Variants in ZNF518A observed in about 807,000 individuals in gnomAD.
ZNF518A encodes the protein zinc finger protein 518A, also known as zinc finger protein 518.
In ZNF518A, 47 loss-of-function variants were observed where a neutral mutation model predicts 102.7. The ratio of observed to expected loss-of-function variants is 0.46; its 90% CI spans 0.36 to 0.58. ZNF518A has a LOEUF of 0.58. ZNF518A is among the 20% of genes least tolerant of loss of function. The pLI is 0.00. For missense variants in ZNF518A, 1,793 were observed against 1,699.8 expected (o/e 1.05, Z -0.96); for synonymous variants, 652 against 594.6 (o/e 1.10, Z -1.40).
At chr10:96,179,780 T>C (rs1434100693) in intron 1 of ZNF518A, among the ~76,000 whole-genome samples, 2 of 134,322 alleles carry the variant, frequency 1.5e-5, no homozygotes, top group African/African-American at 2.6e-5. Flanking sequence ...TCTTCTTCCT[T>C]TTCTTCTTCC....
At chr10:96,181,057 T>A (rs1361188740) in intron 1 of ZNF518A, among the ~76,000 whole-genome samples, 4 of 152,362 alleles carry the variant, frequency 2.6e-5, no homozygotes, top group African/African-American at 9.6e-5. Flanking sequence ...TAAGATGGTA[T>A]CTCATTGTGG....
intron 1 of ZNF518A, among the ~76,000 whole-genome samples, chr10:96,187,795 A>G (rs1220036823): frequency 6.6e-6 from 1 of 152,110 alleles, no homozygotes; most frequent in Non-Finnish European, 1.5e-5. Context: ...ATGCAAAACC[A>G]TTTGTTTGTC....
At chr10:96,173,682 G>A (rs1394924408) in intron 1 of ZNF518A, among the ~76,000 whole-genome samples, 1 of 151,934 alleles carries the variant, frequency 6.6e-6, no homozygotes, top group Non-Finnish European at 1.5e-5. Context: ...AATGATAGTT[G>A]GACACTTTGA....
intron 3 of ZNF518A, among the ~76,000 whole-genome samples, chr10:96,152,493 G>A (rs587698097): frequency 6.6e-6 from 1 of 152,304 alleles, no homozygotes; most frequent in African/African-American, 2.4e-5. Flanking sequence ...ATAAATTGCT[G>A]TCAGATATCA....
In ZNF518A at chr10:96,159,279, A is replaced by G; in HGVS notation, c.2957A>G (p.Lys986Arg). Reference sequence around the variant, plus strand: ...ATGGTTTTAACACTTAATAATGGGAAACTTGAAGGTGTTTCCGCTGTCAAA... The same window carrying G: ...ATGGTTTTAACACTTAATAATGGGAGACTTGAAGGTGTTTCCGCTGTCAAA... Reference protein sequence around the residue: ...PGMVLTLNNGKLEGVSAVKTE... With the variant: ...PGMVLTLNNGRLEGVSAVKTE... Residue 986 changes from lysine to arginine, a missense_variant, in exon 6 of 6, where the codon AAA (lysine) becomes AGA (arginine). Lys to Arg is a conservative substitution (Grantham distance 26, BLOSUM62 2). Around this residue, in one of 3 missense-constraint regions of ZNF518A, gnomAD observed 1,741 missense variants for 1,622.6 expected, o/e 1.07. Transcript: ENST00000316045. The G allele has an allele frequency of 6.2e-7, 1 of 1,613,380 alleles. No homozygotes were observed. Among genetic ancestry groups the G allele is most frequent in the East Asian group, 2.2e-5 (1 of 44,882 alleles).
In ZNF518A at chr10:96,200,214, C is replaced by A; in HGVS notation, n.36-3360C>A. 3.4e-6 allele frequency: 5 copies of A among 1,461,504 alleles called. No homozygotes were observed. The highest frequency in any genetic ancestry group is 3.8e-6 in the Non-Finnish European group (4 of 1,043,510). The allele number at this position is 1,461,504 out of a possible 1,614,324, so 90.5% of individuals were successfully genotyped here. On this transcript the variant is annotated intron_variant and non_coding_transcript_variant, in intron 1 of 2. Transcript: ENST00000442635. The surrounding 1 kb of genome is among the most constrained non-coding windows in gnomAD (Gnocchi z 4.3). The stretch of plus-strand genomic sequence containing the variant: ...GATGGTCCCTACTTAACTCTAATTT[C>A]TGTGTACTAGAAACAAAGACCCATT...
In ZNF518A at chr10:96,150,743, CTTTTTTT is replaced by C. The variant is rs10675397; in HGVS notation, c.-301-4569_-301-4563del. On this transcript the variant is annotated intron_variant, in intron 3 of 5. Transcript: ENST00000316045. ...TTATTGCAGCAACTTTCTTTCTTTC[CTTTTTTT>C]TTTTTTTTTTTTTGGAGACAGAGTC... is the stretch of plus-strand genomic sequence containing the variant. Among the ~76,000 whole-genome samples the C allele has an allele frequency of 5.0e-4, 15 of 30,292 alleles. 1 individual carries two copies. Among genetic ancestry groups the C allele is most frequent in the African/African-American group, 1.5e-3 (11 of 7,382 alleles). 19.9% of individuals were successfully genotyped at this position (30,292 alleles called of 152,430 possible).
At chr10:96,196,460 A>G (rs1387251236) in intron 1 of ZNF518A, among the ~76,000 whole-genome samples, 1 of 152,196 alleles carries the variant, frequency 6.6e-6, no homozygotes, top group Non-Finnish European at 1.5e-5. Flanking sequence ...ATTCTGGTAC[A>G]AGGGCTATAG....
chr10:96,199,827 C>G (rs1340627483), intron 1 of ZNF518A: 1 of 243,044 alleles, frequency 4.1e-6, no homozygotes, highest in Admixed American at 4.8e-5. Context: ...AGTTCGAGAG[C>G]AGCCTGGCCA....
At chr10:96,184,661 T>C (rs12764672) in intron 1 of ZNF518A, among the ~76,000 whole-genome samples, 19,224 of 152,266 alleles carry the variant, frequency 0.13, 1,274 homozygotes, top group Middle Eastern at 0.18. Context: ...GAGTTTCTGC[T>C]GAGAGATCTG....
chr10:96,159,063 CT>C lies in ZNF518A; in HGVS notation c.2746del (p.Tyr916IlefsTer7). ...KLRATTQNLG[S>X]FYMQSPLLNS... ...CGAGCCACCACACAAAATTTAGGTT[CT>C]TTTTATATGCAGAGTCCACTTTTAA... On this transcript the variant is annotated frameshift_variant, in exon 6 of 6. Coordinates refer to ENST00000316045, the MANE Select transcript of ZNF518A (RefSeq NM_001330736.2). LOFTEE classifies it high-confidence loss of function. 1 of 1,613,396 alleles carries C rather than the reference CT, an allele frequency of 6.2e-7. No individual in the cohort carries two copies. Among genetic ancestry groups the C allele is most frequent in the Non-Finnish European group, 8.5e-7 (1 of 1,179,664 alleles).
intron 3 of ZNF518A, among the ~76,000 whole-genome samples, chr10:96,144,709 G>C (rs1389094849): frequency 6.6e-6 from 1 of 152,130 alleles, no homozygotes; most frequent in East Asian, 1.9e-4. Context: ...ACTGTTGTCA[G>C]TAGTTTGGTT....
chr10:96,159,425 T>C lies in ZNF518A; in HGVS notation c.3103T>C (p.Leu1035=), dbSNP rs782783225. The part of the protein sequence containing the change: ...PGLCSSIGSC[L]SMKSSSENTL... ...ACTTTGTTCCAGCATTGGCAGTTGT[T>C]TGAGCATGAAAAGTAGCTCAGAAAA... The change falls in exon 6 of 6, where the codon TTG becomes CTG. Residue 1035 remains leucine (L), a synonymous_variant. Transcript: ENST00000316045. 66 of 1,613,812 alleles carry C rather than the reference T, an allele frequency of 4.1e-5. No homozygotes were observed. In the African/African-American group the frequency reaches 8.4e-4, roughly 21 times the overall value.
intron 1 of ZNF518A, among the ~76,000 whole-genome samples, chr10:96,186,422 G>A (rs948652346): frequency 7.3e-5 from 11 of 150,998 alleles, no homozygotes; most frequent in South Asian, 4.2e-4. Context: ...TTTTTTTGAC[G>A]GAGTCTCTCT....
chr10:96,197,369 A>G (rs2083493941), intron 1 of ZNF518A, among the ~76,000 whole-genome samples: 1 of 152,144 alleles, frequency 6.6e-6, no homozygotes, highest in East Asian at 1.9e-4. Context: ...CAGTGGTGCA[A>G]TCACAGTCCA....
At chr10:96,168,611 A>T (rs1053186286), downstream of ZNF518A, among the ~76,000 whole-genome samples, 2 of 152,014 alleles carry the variant, frequency 1.3e-5, no homozygotes, top group Admixed American at 6.6e-5. Flanking sequence ...GCTTTGCTGG[A>T]TATAGAATTT....
chr10:96,130,214 G>C (rs587685391), upstream of ZNF518A: 29 of 152,782 alleles, frequency 1.9e-4, no homozygotes, highest in African/African-American at 7.0e-4. Flanking sequence ...GGACCGTCAG[G>C]GTCCCCCAAA....
In ZNF518A at chr10:96,159,039, G is replaced by A. The variant is rs782792981; in HGVS notation, c.2717G>A (p.Arg906Gln). The A allele has an allele frequency of 3.1e-6, 5 of 1,613,384 alleles. No individual in the cohort carries two copies. The highest frequency in any genetic ancestry group is 4.2e-6 in the Non-Finnish European group (5 of 1,179,726). Residue 906 changes from arginine (R) to glutamine (Q), a missense_variant, in exon 6 of 6, where the codon CGA becomes CAA. By Grantham distance (43) the Arg-to-Gln change is conservative (BLOSUM62 1). Coordinates refer to ENST00000316045, the MANE Select transcript of ZNF518A (RefSeq NM_001330736.2). ...ITQQLVKDKL[R>Q]ATTQNLGSFY... ...CAGCAGCTTGTAAAAGACAAACTAC[G>A]AGCCACCACACAAAATTTAGGTTCT...
At chr10:96,170,508 A>C (rs1168297035) in intron 1 of ZNF518A, among the ~76,000 whole-genome samples, 1 of 152,212 alleles carries the variant, frequency 6.6e-6, no homozygotes, top group Non-Finnish European at 1.5e-5. Context: ...TGAGGAGTGG[A>C]GAATGAGACT....
Sources: gnomAD v4.1 joint callset for allele counts (sites outside exome capture counted in the v4.1 genomes callset) on GRCh38, gnomAD v4.1.1 for gene constraint, gnomAD v4.1.1 regional missense constraint, Gnocchi (gnomAD v3.1) non-coding constraint, MANE v1.5 for transcripts, NCBI Gene and HGNC (gene_info 2026-07-23, HGNC 2026-07-21) for gene names.